ACADM: variants seen among roughly 807,000 people sequenced by gnomAD.
The protein encoded by ACADM is medium-chain specific acyl-CoA dehydrogenase, mitochondrial.
Under a neutral mutation model 58.9 loss-of-function variants are expected in ACADM, and 49 were observed. The ratio of observed to expected loss-of-function variants is 0.83; its 90% CI spans 0.66 to 1.06. The LOEUF is 1.06. Ranked by LOEUF, ACADM falls within the 50% of genes least tolerant of loss-of-function variation. ACADM has a pLI of 0.00. For synonymous variants in ACADM, 160 were observed against 157.7 expected (o/e 1.01, Z -0.11); for missense variants, 496 against 507.0 (o/e 0.98, Z 0.21).
intron 1 of ACADM, 52 bp from the exon 2 acceptor site, chr1:75,728,349 C>T (rs768991939): frequency 5.5e-6 from 8 of 1,457,314 alleles, no homozygotes; most frequent in Non-Finnish European, 4.8e-6. Context: ...AGTCTCTTAT[C>T]TGATTAATGT....
chr1:75,725,319 T>G (rs1647035199), intron 1 of ACADM, among the ~76,000 whole-genome samples: 1 of 152,188 alleles, frequency 6.6e-6, no homozygotes, highest in African/African-American at 2.4e-5. Flanking sequence ...TCTTAATAGA[T>G]TCTAAATAAG....
intron 6 of ACADM, among the ~76,000 whole-genome samples, chr1:75,738,060 G>A (rs901024790): frequency 6.6e-6 from 1 of 151,656 alleles, no homozygotes; most frequent in East Asian, 2.0e-4. Flanking sequence ...GGGACTACAG[G>A]TGCGTGCCAC....
chr1:75,744,100 T>G, intron 7 of ACADM: 1 of 1,588,752 alleles, frequency 6.3e-7, no homozygotes, highest in East Asian at 2.2e-5. Context: ...TCCTGTTCAT[T>G]TTCTCCTGAT....
intron 10 of ACADM, among the ~76,000 whole-genome samples, chr1:75,758,915 C>G (rs1210996468): frequency 6.6e-6 from 1 of 152,238 alleles, no homozygotes. Flanking sequence ...GCTTTGGTCC[C>G]TTTCCACGCT....
intron 3 of ACADM, 21 bp from the exon 4 acceptor site, chr1:75,732,832 A>G (rs1483725135): frequency 6.2e-7 from 1 of 1,611,014 alleles, no homozygotes; most frequent in East Asian, 2.2e-5. Context: ...ATATATTTTA[A>G]CTCAGTTCTT....
intron 10 of ACADM, among the ~76,000 whole-genome samples, chr1:75,759,546 C>A (rs1014752535): frequency 6.6e-6 from 1 of 151,586 alleles, no homozygotes; most frequent in African/African-American, 2.4e-5. Context: ...TTTATGTCTT[C>A]TATTTAATTC....
intron 10 of ACADM, among the ~76,000 whole-genome samples, chr1:75,756,271 A>G (rs1648500280): frequency 1.3e-5 from 2 of 152,212 alleles, no homozygotes; most frequent in African/African-American, 2.4e-5. Flanking sequence ...GAGGAAGTCA[A>G]ATTGTCCCTG....
intron 7 of ACADM, chr1:75,744,519 A>G: frequency 3.9e-6 from 6 of 1,520,972 alleles, no homozygotes; most frequent in South Asian, 1.1e-5. Flanking sequence ...CCCACCTGAC[A>G]TCTCCCTCTG....
At chr1:75,758,918 T>A (rs1415990418) in intron 10 of ACADM, among the ~76,000 whole-genome samples, 2 of 152,228 alleles carry the variant, frequency 1.3e-5, no homozygotes, top group African/African-American at 4.8e-5. Flanking sequence ...TTGGTCCCTT[T>A]CCACGCTGTG....
In ACADM at chr1:75,750,009, C is replaced by T. The variant is rs536141434; in HGVS notation, c.850-442C>T. The stretch of plus-strand genomic sequence containing the variant: ...TACAGGCGTGAGCCACCGCGCCTGA[C>T]CATATTGTTACTTTTCTTAATTTTT... On this transcript the variant is annotated intron_variant, in intron 9 of 11. Coordinates refer to ENST00000370841, the MANE Select transcript of ACADM (RefSeq NM_000016.6). Among the ~76,000 whole-genome samples, 149 of 152,134 alleles carry T rather than the reference C, an allele frequency of 9.8e-4. 1 individual carries two copies. The highest frequency in any genetic ancestry group is 1.9e-3 in the Non-Finnish European group (128 of 67,996).
intron 6 of ACADM, among the ~76,000 whole-genome samples, chr1:75,739,337 T>A (rs1321463116): frequency 6.6e-6 from 1 of 152,236 alleles, no homozygotes; most frequent in Non-Finnish European, 1.5e-5. Context: ...TACCTCTGGT[T>A]TCCCCATATC....
At chr1:75,729,526 C>T (rs1371264596) in intron 2 of ACADM, among the ~76,000 whole-genome samples, 20 of 143,478 alleles carry the variant, frequency 1.4e-4, no homozygotes, top group Non-Finnish European at 2.7e-4. Flanking sequence ...TTTTTTGAGA[C>T]AGAGTCTCAC....
At chr1:75,750,587 C>A in intron 10 of ACADM, 41 bp downstream of exon 10, 1 of 1,267,698 alleles carries the variant, frequency 7.9e-7, no homozygotes, top group Non-Finnish European at 1.1e-6. Context: ...TGTAAAGACA[C>A]TCATTTTCAT....
chr1:75,728,835 T>TA (rs1647097834), intron 2 of ACADM, among the ~76,000 whole-genome samples: 1 of 152,208 alleles, frequency 6.6e-6, no homozygotes, highest in South Asian at 2.1e-4. Context: ...AAACACTTGT[T>TA]AGATTACAAT....
chr1:75,760,449 A>G (rs1291975865), intron 10 of ACADM, among the ~76,000 whole-genome samples: 1 of 142,968 alleles, frequency 7.0e-6, no homozygotes, highest in Non-Finnish European at 1.5e-5. Flanking sequence ...AGTCCCAGCT[A>G]CTTTGGGGGC....
chr1:75,750,747 A>G (rs1296962641), intron 10 of ACADM: 2 of 580,608 alleles, frequency 3.4e-6, no homozygotes, highest in Non-Finnish European at 6.1e-6. Flanking sequence ...ACACTGTGCT[A>G]TGCATTTTTT....
intron 7 of ACADM, chr1:75,745,535 A>ATG (rs959313082): frequency 1.3e-5 from 6 of 449,104 alleles, no homozygotes; most frequent in East Asian, 4.5e-5. Flanking sequence ...AATATCATAT[A>ATG]TACTGTACTG....
intron 2 of ACADM, among the ~76,000 whole-genome samples, chr1:75,729,318 G>A (rs1316131767): frequency 9.3e-5 from 5 of 53,908 alleles, no homozygotes; most frequent in Non-Finnish European, 1.4e-4. Context: ...TTTTTAAGAT[G>A]AGGTTTCATT....
intron 10 of ACADM, among the ~76,000 whole-genome samples, chr1:75,754,464 C>T (rs542818870): frequency 6.6e-6 from 1 of 152,116 alleles, no homozygotes; most frequent in Non-Finnish European, 1.5e-5. Flanking sequence ...CCCACCTTGG[C>T]CTCCCAGTGT....
Sources: gnomAD v4.1 joint callset for allele counts (sites outside exome capture counted in the v4.1 genomes callset) on GRCh38, gnomAD v4.1.1 for gene constraint, MANE v1.5 for transcripts, NCBI Gene and HGNC (gene_info 2026-07-23, HGNC 2026-07-21) for gene names.